The following TRAK1 variants were observed in gnomAD, a reference collection of about 807,000 sequenced individuals.
TRAK1 encodes trafficking kinesin protein 1.
TRAK1 carries 33 observed loss-of-function variants against 92.1 expected under a neutral mutation model. The ratio of observed to expected loss-of-function variants is 0.36; its 90% CI spans 0.27 to 0.48. The LOEUF (loss-of-function observed/expected upper bound fraction) is 0.48. Among genes scored for constraint, TRAK1 ranks in the 20% least tolerant of loss-of-function variants. The pLI is 0.99. For synonymous variants in TRAK1, 521 were observed against 517.3 expected, an observed-to-expected ratio of 1.01 and a Z score of -0.10; for missense variants, 1,123 against 1,257.9, an observed-to-expected ratio of 0.89 and a Z score of 1.62.
chr3:42,087,285 A>G (rs1257830360), upstream of TRAK1: 1 of 152,800 alleles, frequency 6.5e-6, no homozygotes, highest in African/African-American at 2.4e-5. Context: ...CTTCGGAGGC[A>G]TGCAACCATG....
intron 3 of TRAK1, among the ~76,000 whole-genome samples, chr3:42,177,462 T>C (rs1455129204): frequency 6.6e-6 from 1 of 152,240 alleles, no homozygotes; most frequent in Admixed American, 6.5e-5. Flanking sequence ...AATATGTGTA[T>C]GTGCATGCCT....
chr3:42,194,785 G>T lies in TRAK1; in HGVS notation c.976-19G>T. ...GGTGCTCAGGAGATCCTGACCCTCTGTGTCTTTCCTGCCTGCAGCTGCGTG... is the reference window on the plus strand; with the variant it reads ...GGTGCTCAGGAGATCCTGACCCTCTTTGTCTTTCCTGCCTGCAGCTGCGTG... On this transcript the variant is annotated intron_variant, in intron 9 of 15. Coordinates refer to ENST00000327628, the MANE Select transcript of TRAK1 (RefSeq NM_001042646.3). 1 of 1,612,500 alleles carries T rather than the reference G, an allele frequency of 6.2e-7. No individual in the cohort carries two copies. The highest frequency in any genetic ancestry group is 8.5e-7 in the Non-Finnish European group (1 of 1,179,350).
intron 2 of TRAK1, among the ~76,000 whole-genome samples, chr3:42,157,826 T>C (rs1700744913): frequency 6.6e-6 from 1 of 152,192 alleles, no homozygotes; most frequent in Non-Finnish European, 1.5e-5. Flanking sequence ...CAATAAGATC[T>C]ATGGGTTACA....
rs932896045 is a variant in TRAK1, at chr3:42,130,006, C to T, written c.286+4392C>T. 3.3e-5 allele frequency among the ~76,000 whole-genome samples: 5 copies of T among 152,202 alleles called. No individual in the cohort carries two copies. In the East Asian group the frequency reaches 7.7e-4, roughly 23 times the overall value. On this transcript the variant is annotated intron_variant, in intron 2 of 15. Coordinates refer to ENST00000327628, the MANE Select transcript of TRAK1 (RefSeq NM_001042646.3). The stretch of plus-strand genomic sequence containing the variant: ...AAATAAAATATATGTCTAACATATT[C>T]AAAATTCATTTTTTTTCATGGCTCA...
chr3:42,047,225 T>TTA (rs1553704405), intron 1 of TRAK1, among the ~76,000 whole-genome samples: 1 of 133,330 alleles, frequency 7.5e-6, no homozygotes, highest in East Asian at 2.1e-4. Flanking sequence ...TTTTTTTTTT[T>TTA]AAATCTGTCG....
chr3:42,145,945 C>A, intron 2 of TRAK1: 1 of 249,588 alleles, frequency 4.0e-6, no homozygotes. Flanking sequence ...CAAATTCTGT[C>A]AAATTTGTCG....
chr3:42,034,087 A>G (rs184510080), intron 1 of TRAK1, among the ~76,000 whole-genome samples: 22 of 152,206 alleles, frequency 1.4e-4, no homozygotes, highest in Admixed American at 1.3e-3. Flanking sequence ...CAGTCCTCCT[A>G]TCCCTCTGCA....
At chr3:42,079,100 G>T (rs1234357525) in intron 1 of TRAK1, among the ~76,000 whole-genome samples, 1 of 152,236 alleles carries the variant, frequency 6.6e-6, no homozygotes, top group Non-Finnish European at 1.5e-5. Flanking sequence ...ATTGGAGCCT[G>T]TTGAGATGCA....
At chr3:42,112,619 C>T (rs1355288387) in intron 1 of TRAK1, among the ~76,000 whole-genome samples, 2 of 150,980 alleles carry the variant, frequency 1.3e-5, no homozygotes, top group Non-Finnish European at 2.9e-5. Flanking sequence ...CCTGTAATCC[C>T]AGCTACTTGG....
intron 2 of TRAK1, chr3:42,149,725 C>T (rs1332894079): frequency 1.4e-5 from 17 of 1,235,818 alleles, no homozygotes; most frequent in Middle Eastern, 2.2e-4. Context: ...AGAACTAGCA[C>T]CACTGGCTCT....
At chr3:42,028,270 C>T (rs1375545778) in intron 1 of TRAK1, among the ~76,000 whole-genome samples, 2 of 152,212 alleles carry the variant, frequency 1.3e-5, no homozygotes, top group Admixed American at 1.3e-4. Flanking sequence ...TCCGGAAATA[C>T]ATGGTTCACT....
rs150657220 is a variant in TRAK1, at chr3:42,162,503, A to G, written c.287-14311A>G. 2.6e-5 allele frequency among the ~76,000 whole-genome samples: 4 copies of G among 152,268 alleles called. No individual in the cohort carries two copies. In the East Asian group the frequency reaches 7.7e-4, roughly 29 times the overall value. Reference sequence around the variant, plus strand: ...TGAAGTAGACGGCTTGAGACACCATAGATAATGCATTTTCTAATAGGGGGA... The same window carrying G: ...TGAAGTAGACGGCTTGAGACACCATGGATAATGCATTTTCTAATAGGGGGA... On this transcript the variant is annotated intron_variant, in intron 2 of 15. Coordinates refer to ENST00000327628, the MANE Select transcript of TRAK1 (RefSeq NM_001042646.3).
At position 42,223,807 on chromosome 3, in the gene TRAK1, T is replaced by C. The variant is rs1577084808; in HGVS notation, c.*70T>C. ...CTCTCTTGCTCCCACCTCCCTCTCT[T>C]CCCCCCACAGTGCACTCCCTCCCTC... On this transcript the variant is annotated 3_prime_UTR_variant, in exon 16 of 16. Coordinates refer to ENST00000327628, the MANE Select transcript of TRAK1 (RefSeq NM_001042646.3). The surrounding 1 kb of genome is among the most constrained non-coding windows in gnomAD (Gnocchi z 6.1). 1 of 1,510,464 alleles carries C rather than the reference T, an allele frequency of 6.6e-7. No individual in the cohort carries two copies. Among genetic ancestry groups the C allele is most frequent in the East Asian group, 2.3e-5 (1 of 43,784 alleles). 93.6% of individuals were successfully genotyped at this position (1,510,464 alleles called of 1,614,324 possible).
At chr3:42,070,436 C>T (rs1179314550) in intron 1 of TRAK1, among the ~76,000 whole-genome samples, 1 of 150,648 alleles carries the variant, frequency 6.6e-6, no homozygotes, top group Non-Finnish European at 1.5e-5. Context: ...ATTGTTGTTG[C>T]TGTTGTTTTG....
intron 1 of TRAK1, among the ~76,000 whole-genome samples, chr3:42,069,125 A>C (rs972567882): frequency 6.6e-6 from 1 of 152,064 alleles, no homozygotes; most frequent in African/African-American, 2.4e-5. Flanking sequence ...TTACTTGAGC[A>C]CAGGAGTTTG....
intron 11 of TRAK1, among the ~76,000 whole-genome samples, chr3:42,200,027 C>G (rs936072811): frequency 1.3e-5 from 2 of 152,232 alleles, no homozygotes; most frequent in Non-Finnish European, 2.9e-5. Context: ...TACCATCTGT[C>G]TTCCTACCTC....
chr3:42,167,389 T>G (rs1702007643), intron 2 of TRAK1, among the ~76,000 whole-genome samples: 2 of 152,230 alleles, frequency 1.3e-5, no homozygotes, highest in South Asian at 4.1e-4. Context: ...TTGTTGGGTT[T>G]GTTCTGCCTG....
chr3:42,185,107 C>T (rs1003342334), intron 4 of TRAK1, among the ~76,000 whole-genome samples: 6 of 152,144 alleles, frequency 3.9e-5, no homozygotes, highest in African/African-American at 1.4e-4. Context: ...CAGCCACAGT[C>T]CTTGTCCTCA....
chr3:42,053,892 A>T (rs1703088038), intron 1 of TRAK1, among the ~76,000 whole-genome samples: 1 of 152,030 alleles, frequency 6.6e-6, no homozygotes, highest in Non-Finnish European at 1.5e-5. Flanking sequence ...AGTCTGCCCT[A>T]CTCTGATGCT....
Sources: gnomAD v4.1 joint callset for allele counts (sites outside exome capture counted in the v4.1 genomes callset) on GRCh38, gnomAD v4.1.1 for gene constraint, Gnocchi (gnomAD v3.1) non-coding constraint, MANE v1.5 for transcripts, NCBI Gene and HGNC (gene_info 2026-07-23, HGNC 2026-07-21) for gene names.